Variants in MYO1E observed in about 807,000 individuals in gnomAD.
MYO1E encodes unconventional myosin-Ie.
A neutral mutation model predicts 151.1 loss-of-function variants in MYO1E; 68 were observed. That is an observed-to-expected ratio of 0.45 (90% CI 0.37 to 0.55). The LOEUF (loss-of-function observed/expected upper bound fraction) is 0.55. MYO1E is among the 20% of genes least tolerant of loss of function. The pLI, the probability that MYO1E is intolerant of heterozygous loss-of-function variation, is 0.00. For missense variants in MYO1E, 1,363 were observed against 1,389.3 expected (o/e 0.98, Z 0.30); for synonymous variants, 601 against 501.7 (o/e 1.20, Z -2.64).
chr15:59,258,924 C>G (rs989101638), intron 3 of MYO1E, among the ~76,000 whole-genome samples: 1 of 150,468 alleles, frequency 6.6e-6, no homozygotes, highest in Non-Finnish European at 1.5e-5. Context: ...CAGCTTTAGG[C>G]TAAACTTAAT....
In MYO1E at chr15:59,159,079, G is replaced by A. The variant is rs1233780991; in HGVS notation, c.2786-700C>T. On this transcript the variant is annotated intron_variant, in intron 24 of 27. Transcript: ENST00000288235. This position sits in a 1 kb window ranked among gnomAD's most constrained non-coding sequence, Gnocchi z 4.4. ...GAAGGTAGGATTAAACCAGCTGGAA[G>A]AGGGGTGCAGAGGGAATTTCTTATA... Among the ~76,000 whole-genome samples the A allele has an allele frequency of 1.3e-5, 2 of 152,218 alleles. No individual in the cohort carries two copies. The highest frequency in any genetic ancestry group is 2.9e-5 in the Non-Finnish European group (2 of 68,034).
Position 59,260,384 on chromosome 15 carries a change from T to G in MYO1E, c.237+1036A>C, listed in dbSNP as rs528404288. Among the ~76,000 whole-genome samples, 3 of 152,366 alleles carry G rather than the reference T, an allele frequency of 2.0e-5. No homozygotes were observed. The East Asian group carries it at 5.8e-4, about 29-fold the overall frequency. ...GCTCCAGCTACCAGCACCATTCATC[T>G]GGCAACAATGGGGTGGGCTCTTGCT... On this transcript the variant is annotated intron_variant, in intron 3 of 27. Transcript: ENST00000288235.
At chr15:59,372,370 G>T in intron 1 of MYO1E, 128 bp downstream of exon 1, 1 of 1,168,552 alleles carries the variant, frequency 8.6e-7, no homozygotes, top group South Asian at 1.3e-5. Flanking sequence ...AGCTCGCGAC[G>T]TGCCGGCTCC....
intron 1 of MYO1E, among the ~76,000 whole-genome samples, chr15:59,333,836 C>T (rs933005562): frequency 6.6e-5 from 10 of 152,202 alleles, no homozygotes; most frequent in African/African-American, 1.9e-4. Flanking sequence ...TAAGTAAACA[C>T]TTCAGAACCA....
At chr15:59,282,121 T>C (rs1224596316) in intron 1 of MYO1E, among the ~76,000 whole-genome samples, 2 of 152,258 alleles carry the variant, frequency 1.3e-5, no homozygotes, top group African/African-American at 2.4e-5. Flanking sequence ...AGTCCAGCCA[T>C]AGGGAATTTA....
At chr15:59,224,550 T>A in intron 8 of MYO1E, 139 bp downstream of exon 8, 3 of 1,151,592 alleles carry the variant, frequency 2.6e-6, no homozygotes, top group Middle Eastern at 2.8e-4. Context: ...GAAACATGTA[T>A]GAGCATACAG....
At chr15:59,207,620 T>C (rs752023790) in intron 14 of MYO1E, 5 of 1,614,052 alleles carry the variant, frequency 3.1e-6, no homozygotes, top group Admixed American at 1.7e-5. Context: ...GGACAAAAGC[T>C]TGGTATCCAT....
rs1316343818 is a variant in MYO1E, at chr15:59,214,273, T to C, written c.1230A>G (p.Glu410=). 6.2e-7 allele frequency: 1 copy of C among 1,613,218 alleles called. No individual in the cohort carries two copies. Among genetic ancestry groups the C allele is most frequent in the Non-Finnish European group, 8.5e-7 (1 of 1,179,754 alleles). Residue 410 remains glutamate, a synonymous_variant, in exon 12 of 28, where the codon GAA becomes GAG. Coordinates refer to ENST00000288235, the MANE Select transcript of MYO1E (RefSeq NM_004998.4). The part of the protein sequence containing the change: ...FEQFCINFVN[E]KLQQIFIELT... ...GTTCAATAAAAATCTGCTGCAGTTT[T>C]TCATTAACAAAATTGATACAAAACT...
chr15:59,285,006 C>T (rs1343320535), intron 1 of MYO1E, among the ~76,000 whole-genome samples: 1 of 152,218 alleles, frequency 6.6e-6, no homozygotes, highest in Non-Finnish European at 1.5e-5. Context: ...TAGCATGTCA[C>T]ATACATCAAG....
chr15:59,171,213 A>G (rs2079591844), intron 22 of MYO1E: 1 of 156,162 alleles, frequency 6.4e-6, no homozygotes, highest in Non-Finnish European at 1.5e-5. Flanking sequence ...GCATGGGAGG[A>G]CTTCTTAGCA....
At position 59,286,116 on chromosome 15, in the gene MYO1E, T is replaced by G. The variant is rs530530292; in HGVS notation, c.4-13667A>C. ...ACCCTGTACCATGGAACAAAGAAAC[T>G]CTAATTTAAATGCTATTCTGAGAAA... On this transcript the variant is annotated intron_variant, in intron 1 of 27. Transcript: ENST00000288235. Among the ~76,000 whole-genome samples, 50 of 152,312 alleles carry G rather than the reference T, an allele frequency of 3.3e-4. No individual in the cohort carries two copies. The South Asian group carries it at 9.9e-3, about 30-fold the overall frequency.
At chr15:59,221,589 G>C (rs567833912) in intron 9 of MYO1E, among the ~76,000 whole-genome samples, 34 of 152,214 alleles carry the variant, frequency 2.2e-4, no homozygotes, top group African/African-American at 8.2e-4. Context: ...TTATTGGTAG[G>C]GGGAGGCCCA....
At position 59,159,184 on chromosome 15, in the gene MYO1E, A is replaced by G. The variant is rs2079524561; in HGVS notation, c.2786-805T>C. 6.6e-6 allele frequency among the ~76,000 whole-genome samples: 1 copy of G among 152,238 alleles called. No individual in the cohort carries two copies. Among genetic ancestry groups the G allele is most frequent in the Non-Finnish European group, 1.5e-5 (1 of 68,022 alleles). ...AACACAGCAAAGGAGCTGCAGCTCT[A>G]GGGCCTGGGAGAACCGACCACGTGG... is the stretch of plus-strand genomic sequence containing the variant. On this transcript the variant is annotated intron_variant, in intron 24 of 27. Coordinates refer to ENST00000288235, the MANE Select transcript of MYO1E (RefSeq NM_004998.4). The surrounding 1 kb of genome is among the most constrained non-coding windows in gnomAD (Gnocchi z 4.4).
At chr15:59,211,073 G>A (rs1212263188) in intron 12 of MYO1E, among the ~76,000 whole-genome samples, 8 of 151,984 alleles carry the variant, frequency 5.3e-5, no homozygotes, top group East Asian at 3.9e-4. Flanking sequence ...GGTGGGGCGC[G>A]CCTGTAATCC....
At chr15:59,148,045 C>G (rs1210045181) in intron 26 of MYO1E, among the ~76,000 whole-genome samples, 1 of 152,132 alleles carries the variant, frequency 6.6e-6, no homozygotes, top group Non-Finnish European at 1.5e-5. Flanking sequence ...GGTAATGAAT[C>G]AAATACAAAA....
At chr15:59,182,362 G>A (rs945304162) in intron 18 of MYO1E, among the ~76,000 whole-genome samples, 10 of 152,174 alleles carry the variant, frequency 6.6e-5, no homozygotes, top group Admixed American at 3.3e-4. Context: ...ACAGGCACCC[G>A]GCACCATGCC....
intron 26 of MYO1E, among the ~76,000 whole-genome samples, chr15:59,149,395 C>T (rs1269887305): frequency 4.2e-4 from 64 of 152,148 alleles, no homozygotes; most frequent in Non-Finnish European, 2.9e-5. Context: ...AACCTCTTCC[C>T]TTTCCTTGAG....
chr15:59,293,665 G>A (rs2080432767), intron 1 of MYO1E, among the ~76,000 whole-genome samples: 1 of 152,122 alleles, frequency 6.6e-6, no homozygotes, highest in Non-Finnish European at 1.5e-5. Context: ...GTTGTTTTAG[G>A]CATCACAGTG....
At position 59,161,115 on chromosome 15, in the gene MYO1E, CTT is replaced by C; in HGVS notation, c.2741_2742del (p.Lys914SerfsTer149). 1.2e-6 allele frequency: 2 copies of C among 1,614,038 alleles called. No homozygotes were observed. The highest frequency in any genetic ancestry group is 1.7e-6 in the Non-Finnish European group (2 of 1,180,032). On this transcript the variant is annotated frameshift_variant, in exon 24 of 28. Transcript: ENST00000288235. LOFTEE classifies it high-confidence loss of function. The part of the protein sequence containing the change: ...GDLAVLKPSN[K>X]VLQVSIGPGL... ...CCAGGTCCGATGCTGACCTGCAGCA[CTT>C]TGTTACTGGGCTTGAGGACAGCCAG...
Sources: allele counts gnomAD v4.1 joint callset (sites outside exome capture counted in the v4.1 genomes callset), GRCh38; gene constraint gnomAD v4.1.1; non-coding constraint Gnocchi (gnomAD v3.1); transcripts MANE v1.5; gene names NCBI Gene and HGNC (gene_info 2026-07-23, HGNC 2026-07-21).